The following STAU2 variants were observed in gnomAD, a reference collection of about 807,000 sequenced individuals.
STAU2 encodes the protein double-stranded RNA-binding protein Staufen homolog 2.
In STAU2, 20 loss-of-function variants were observed where a neutral mutation model predicts 65.9. The ratio of observed to expected loss-of-function variants is 0.30; its 90% CI spans 0.21 to 0.44. The LOEUF is 0.44. Ranked by LOEUF, STAU2 falls within the 20% of genes least tolerant of loss-of-function variation. The probability of loss-of-function intolerance (pLI) is 1.00; values close to 1 mark genes in which losing one functional copy is unlikely to be tolerated. For missense variants in STAU2, 558 were observed against 683.9 expected (o/e 0.82, Z 2.05); for synonymous variants, 232 against 233.9 (o/e 0.99, Z 0.07).
Position 73,551,276 on chromosome 8 carries a change from G to A in STAU2, c.1530+736C>T, listed in dbSNP as rs1807316833. The A allele has an allele frequency of 5.1e-6, 5 of 987,044 alleles. No homozygotes were observed. In the South Asian group the frequency reaches 2.3e-4, roughly 46 times the overall value. 61.1% of individuals were successfully genotyped at this position (987,044 alleles called of 1,614,324 possible). On this transcript the variant is annotated intron_variant, in intron 13 of 14. Transcript: ENST00000524300. ...CAGAAGGAAACAAAGAATAAATAGG[G>A]GAAAAAAAGTTTCCATCCCTAAATT...
At chr8:73,610,748 G>A (rs1043883004) in intron 9 of STAU2, among the ~76,000 whole-genome samples, 7 of 152,122 alleles carry the variant, frequency 4.6e-5, no homozygotes, top group South Asian at 4.1e-4. Context: ...TTGTAGTCTC[G>A]TCTTATAGAG....
intron 5 of STAU2, among the ~76,000 whole-genome samples, chr8:73,684,264 T>C (rs1308650402): frequency 6.6e-6 from 1 of 152,148 alleles, no homozygotes; most frequent in Non-Finnish European, 1.5e-5. Context: ...AATAGGCACA[T>C]AGACCAATGG....
At chr8:73,715,337 T>C (rs1385819202) in intron 3 of STAU2, among the ~76,000 whole-genome samples, 1 of 151,536 alleles carries the variant, frequency 6.6e-6, no homozygotes, top group Non-Finnish European at 1.5e-5. Context: ...ATGCCTGTAG[T>C]CCGAGCTATT....
chr8:73,512,541 G>T (rs1015654469), intron 13 of STAU2, among the ~76,000 whole-genome samples: 3 of 150,542 alleles, frequency 2.0e-5, no homozygotes, highest in Non-Finnish European at 3.0e-5. Flanking sequence ...TTCATTTTTG[G>T]TTTTTTTTTA....
intron 13 of STAU2, among the ~76,000 whole-genome samples, chr8:73,459,108 T>C (rs192085889): frequency 1.1e-3 from 170 of 152,368 alleles, no homozygotes; most frequent in African/African-American, 2.8e-3. Context: ...AACTTTCCTA[T>C]ATTCATTTTT....
intron 13 of STAU2, among the ~76,000 whole-genome samples, chr8:73,539,576 C>T (rs1806395715): frequency 6.6e-6 from 1 of 152,140 alleles, no homozygotes; most frequent in Non-Finnish European, 1.5e-5. Context: ...GGTGTGGTGG[C>T]TCATGCCTGT....
chr8:73,529,501 CTA>C (rs1805670090), intron 13 of STAU2, among the ~76,000 whole-genome samples: 1 of 152,146 alleles, frequency 6.6e-6, no homozygotes, highest in South Asian at 2.1e-4. Context: ...AAACACACTT[CTA>C]TGTCAGCTGA....
chr8:73,539,718 C>A (rs1394176016), intron 13 of STAU2, among the ~76,000 whole-genome samples: 2 of 152,016 alleles, frequency 1.3e-5, no homozygotes, highest in Non-Finnish European at 2.9e-5. Context: ...TGGTGGGTGC[C>A]TGTAGTCCCA....
intron 6 of STAU2, among the ~76,000 whole-genome samples, chr8:73,630,993 C>T (rs939100168): frequency 4.6e-5 from 7 of 152,152 alleles, no homozygotes; most frequent in Non-Finnish European, 1.0e-4. Context: ...AGCGCTTGTA[C>T]CATACCCGGG....
rs188641122 is a variant in STAU2 at position 73,572,254 on chromosome 8, A to G, written c.1222+10516T>C. Among the ~76,000 whole-genome samples the G allele has an allele frequency of 1.4e-4, 22 of 152,344 alleles. No individual in the cohort carries two copies. In the East Asian group the frequency reaches 3.7e-3, roughly 25 times the overall value. On this transcript the variant is annotated intron_variant, in intron 12 of 14. Transcript: ENST00000524300. ...AACAGGCTCTGAAATTGAGGCAATA[A>G]TTAACAGCTACCAATCAAAAAAATT...
chr8:73,725,210 C>T (rs2130725464), intron 3 of STAU2, among the ~76,000 whole-genome samples: 1 of 152,106 alleles, frequency 6.6e-6, no homozygotes, highest in Non-Finnish European at 1.5e-5. Flanking sequence ...ATGTTTTTGT[C>T]CTTTTATTTG....
At chr8:73,538,616 T>A (rs1348511770) in intron 13 of STAU2, among the ~76,000 whole-genome samples, 1 of 150,498 alleles carries the variant, frequency 6.6e-6, no homozygotes, top group African/African-American at 2.4e-5. Flanking sequence ...TGGAGACTTG[T>A]AATATTGAAA....
At position 73,689,568 on chromosome 8, in the gene STAU2, C is replaced by T. The variant is rs531260109; in HGVS notation, c.115-755G>A. Among the ~76,000 whole-genome samples the T allele has an allele frequency of 3.0e-4, 46 of 152,268 alleles. No individual in the cohort carries two copies. The South Asian group carries it at 9.1e-3, about 30-fold the overall frequency. On this transcript the variant is annotated intron_variant, in intron 4 of 14. Coordinates refer to ENST00000524300, the MANE Select transcript of STAU2 (RefSeq NM_001164380.2). ...CATCCTCATCTCACACACATCCTTC[C>T]ACTAACATGCTCTGAATTCCATTCT... is the stretch of plus-strand genomic sequence containing the variant.
At chr8:73,527,743 A>G in intron 13 of STAU2, 1 of 1,536,762 alleles carries the variant, frequency 6.5e-7, no homozygotes, top group Non-Finnish European at 8.7e-7. Context: ...AGTCATCTGC[A>G]CAGGGGCTAA....
chr8:73,525,839 T>G (rs1805410911), intron 13 of STAU2, among the ~76,000 whole-genome samples: 1 of 152,216 alleles, frequency 6.6e-6, no homozygotes, highest in African/African-American at 2.4e-5. Flanking sequence ...ACTTGCCCAG[T>G]ATTCAAAAAG....
intron 12 of STAU2, among the ~76,000 whole-genome samples, chr8:73,577,234 C>T (rs931162075): frequency 6.6e-6 from 1 of 152,030 alleles, no homozygotes; most frequent in Non-Finnish European, 1.5e-5. Flanking sequence ...CGAGACCATC[C>T]TGGCTAACAC....
In STAU2 at chr8:73,431,716, T is replaced by C. The variant is rs530290090; in HGVS notation, c.1531-9014A>G. Reference sequence around the variant, plus strand: ...AAACATGATGCCAATAAGATACTTTTCATGCCTATTTGTTGGCCTTGGTTT... The same window carrying C: ...AAACATGATGCCAATAAGATACTTTCCATGCCTATTTGTTGGCCTTGGTTT... On this transcript the variant is annotated intron_variant, in intron 13 of 14. Coordinates refer to ENST00000524300, the MANE Select transcript of STAU2 (RefSeq NM_001164380.2). 4.6e-5 allele frequency among the ~76,000 whole-genome samples: 7 copies of C among 152,346 alleles called. No homozygotes were observed. The South Asian group carries it at 1.2e-3, about 27-fold the overall frequency.
intron 13 of STAU2, among the ~76,000 whole-genome samples, chr8:73,425,580 T>G (rs1268035212): frequency 3.3e-5 from 5 of 152,200 alleles, no homozygotes; most frequent in East Asian, 1.9e-4. Flanking sequence ...TCCAGCAAAC[T>G]GTACAGGGAC....
chr8:73,586,467 G>C (rs1161179013), intron 11 of STAU2, among the ~76,000 whole-genome samples: 2 of 152,032 alleles, frequency 1.3e-5, no homozygotes, highest in African/African-American at 4.8e-5. Context: ...CTGGATACCA[G>C]GCATAGTTGA....
Sources: gnomAD v4.1 joint callset for allele counts (sites outside exome capture counted in the v4.1 genomes callset) on GRCh38, gnomAD v4.1.1 for gene constraint, MANE v1.5 for transcripts, NCBI Gene and HGNC (gene_info 2026-07-23, HGNC 2026-07-21) for gene names.